Variants in FMN1 observed in about 807,000 individuals in gnomAD.
FMN1 encodes formin-1.
Under a neutral mutation model 132.4 loss-of-function variants are expected in FMN1, and 110 were observed. The observed-to-expected ratio is 0.83, with a 90% CI of 0.71 to 0.97. The LOEUF is 0.97. Ranked by LOEUF, FMN1 falls within the 50% of genes least tolerant of loss-of-function variation. FMN1 has a pLI of 0.00. For missense variants in FMN1, 1,792 were observed against 1,705.3 expected (o/e 1.05, Z -0.90); for synonymous variants, 722 against 651.7 (o/e 1.11, Z -1.64).
intron 4 of FMN1, among the ~76,000 whole-genome samples, chr15:33,127,454 TG>T (rs1963202665): frequency 6.6e-6 from 1 of 152,222 alleles, no homozygotes; most frequent in South Asian, 2.1e-4. Flanking sequence ...TACATCTAAC[TG>T]TAAATAAAAC....
Position 32,964,102 on chromosome 15 carries a change from A to G in FMN1, c.3138+5T>C, listed in dbSNP as rs754658275. On this transcript the variant is annotated splice_donor_5th_base_variant and intron_variant, in intron 9 of 20. Transcript: ENST00000616417. ...AATTACAGCTTTGCCATAATCACTC[A>G]GTACCTTTTTGACCTTGTTTTTCTT... The G allele has an allele frequency of 1.2e-6, 2 of 1,607,928 alleles. No homozygotes were observed. Among genetic ancestry groups the G allele is most frequent in the South Asian group, 2.2e-5 (2 of 90,664 alleles).
intron 4 of FMN1, among the ~76,000 whole-genome samples, chr15:33,120,605 A>G (rs1049377520): frequency 3.5e-5 from 3 of 85,804 alleles, no homozygotes; most frequent in African/African-American, 1.4e-4. Flanking sequence ...AGTGATACCA[A>G]GATACTGTTC....
At chr15:33,010,586 G>A (rs1182221842) in intron 6 of FMN1, among the ~76,000 whole-genome samples, 2 of 152,040 alleles carry the variant, frequency 1.3e-5, no homozygotes, top group African/African-American at 2.4e-5. Context: ...GCTACTAGCA[G>A]ATGTAATGGA....
intron 15 of FMN1, among the ~76,000 whole-genome samples, chr15:32,890,060 A>T (rs2059988773): frequency 6.6e-6 from 1 of 152,238 alleles, no homozygotes; most frequent in South Asian, 2.1e-4. Context: ...ACTTAGAATA[A>T]TATTCTCCAA....
At chr15:33,147,165 CAAA>C (rs869166176) in intron 4 of FMN1, among the ~76,000 whole-genome samples, 5,147 of 69,182 alleles carry the variant, frequency 0.074, 304 homozygotes, top group African/African-American at 0.22. Flanking sequence ...GACTCCGTCT[CAAA>C]AAAAAAAAAA....
chr15:33,018,500 G>A lies in FMN1; in HGVS notation c.2162-10425C>T, dbSNP rs577446353. 4.7e-4 allele frequency among the ~76,000 whole-genome samples: 72 copies of A among 152,212 alleles called. 2 individuals are homozygous for A. In the South Asian group the frequency reaches 0.014, roughly 30 times the overall value. The stretch of plus-strand genomic sequence containing the variant: ...TAGAGCTTCCGTGAGAACCCAAGAG[G>A]ACTGGGTTCAGAAACCTTCTGGACA... On this transcript the variant is annotated intron_variant, in intron 6 of 20. Transcript: ENST00000616417.
rs560110889 is a variant in FMN1 at position 32,944,356 on chromosome 15, T to C, written c.3139-18095A>G. On this transcript the variant is annotated intron_variant, in intron 9 of 20. Transcript: ENST00000616417. ...CATCCGACGTGGTGCAAAACAGCTC[T>C]TGCTGCTAATGGCCAGTATGGCCTG... 2.6e-5 allele frequency among the ~76,000 whole-genome samples: 4 copies of C among 152,322 alleles called. No homozygotes were observed. In the South Asian group the frequency reaches 8.3e-4, roughly 32 times the overall value.
At chr15:32,848,580 CTG>C (rs2058918538) in intron 17 of FMN1, among the ~76,000 whole-genome samples, 1 of 152,152 alleles carries the variant, frequency 6.6e-6, no homozygotes, top group South Asian at 2.1e-4. Flanking sequence ...AGTAATGAGA[CTG>C]TGAGTAAGAC....
intron 16 of FMN1, among the ~76,000 whole-genome samples, chr15:32,869,643 C>A (rs538932343): frequency 6.6e-6 from 1 of 152,110 alleles, no homozygotes; most frequent in South Asian, 2.1e-4. Flanking sequence ...GAGAATACAG[C>A]CAAGGAAGAG....
At chr15:32,810,693 C>CT (rs1414564997) in intron 17 of FMN1, among the ~76,000 whole-genome samples, 1 of 152,174 alleles carries the variant, frequency 6.6e-6, no homozygotes, top group African/African-American at 2.4e-5. Flanking sequence ...GGAGGCCACT[C>CT]TTTAAAGAAA....
In FMN1 at chr15:33,154,630, C is replaced by A; in HGVS notation, c.285G>T (p.Glu95Asp). The A allele has an allele frequency of 6.5e-7, 1 of 1,536,132 alleles. No homozygotes were observed. Among genetic ancestry groups the A allele is most frequent in the Non-Finnish European group, 8.7e-7 (1 of 1,146,918 alleles). Residue 95 changes from glutamate to aspartate, a missense_variant, in exon 4 of 21, where the codon GAG becomes GAT. Glu to Asp is a conservative substitution (Grantham distance 45, BLOSUM62 2). Around this residue, in one of 3 missense-constraint regions of FMN1, gnomAD observed 638 missense variants for 645.2 expected, o/e 0.99. Coordinates refer to ENST00000616417, the MANE Select transcript of FMN1 (RefSeq NM_001277313.2). ...AGCTCAGGAGATTGGTTAGCAGTCTCTCCCTCTCTGTTGTGAGTTTGTACA... is the reference window on the plus strand; with the variant it reads ...AGCTCAGGAGATTGGTTAGCAGTCTATCCCTCTCTGTTGTGAGTTTGTACA... ...TELYKLTTERERLLTNLLSSD... is the reference protein window; with the variant it reads ...TELYKLTTERDRLLTNLLSSD...
intron 6 of FMN1, among the ~76,000 whole-genome samples, chr15:33,061,077 G>A (rs965609978): frequency 2.6e-5 from 4 of 152,172 alleles, no homozygotes; most frequent in Non-Finnish European, 1.5e-5. Flanking sequence ...GATGGCTGTG[G>A]GGTGGGGTAG....
chr15:32,873,816 G>A (rs982573463), intron 16 of FMN1, among the ~76,000 whole-genome samples: 20 of 152,004 alleles, frequency 1.3e-4, no homozygotes, highest in Non-Finnish European at 2.6e-4. Flanking sequence ...TAAAGTCATG[G>A]AGGCCCCTCC....
At chr15:33,106,976 G>T (rs2039512005) in intron 4 of FMN1, among the ~76,000 whole-genome samples, 1 of 151,876 alleles carries the variant, frequency 6.6e-6, no homozygotes, top group Non-Finnish European at 1.5e-5. Flanking sequence ...CTGGCCATAA[G>T]CTCTCGCCCT....
intron 9 of FMN1, among the ~76,000 whole-genome samples, chr15:32,950,054 CAT>C (rs1226548479): frequency 0.099 from 483 of 4,902 alleles, 118 homozygotes; most frequent in African/African-American, 0.2. Context: ...TATATATACA[CAT>C]ATATATATAT....
chr15:32,950,664 A>G (rs2061631293), intron 9 of FMN1, among the ~76,000 whole-genome samples: 1 of 152,084 alleles, frequency 6.6e-6, no homozygotes, highest in African/African-American at 2.4e-5. Flanking sequence ...CACAGAGGAG[A>G]GCAACATACA....
chr15:33,023,074 A>AAG (rs1555383613), intron 6 of FMN1, among the ~76,000 whole-genome samples: 27 of 27,218 alleles, frequency 9.9e-4, no homozygotes, highest in African/African-American at 1.6e-3. Context: ...AAAAAAAAAA[A>AAG]AAAGAAAAAA....
chr15:33,069,177 C>T (rs2037887159), intron 5 of FMN1, among the ~76,000 whole-genome samples: 1 of 152,236 alleles, frequency 6.6e-6, no homozygotes, highest in Non-Finnish European at 1.5e-5. Flanking sequence ...CTCCAAACAT[C>T]AGCCCAGTGT....
At chr15:33,062,965 GATA>G (rs1353934571) in intron 6 of FMN1, 2 of 152,312 alleles carry the variant, frequency 1.3e-5, no homozygotes, top group South Asian at 2.1e-4. Flanking sequence ...CCCACAGGAT[GATA>G]ATAACAGAAG....
Sources: allele counts gnomAD v4.1 joint callset (sites outside exome capture counted in the v4.1 genomes callset), GRCh38; gene constraint gnomAD v4.1.1; regional missense constraint gnomAD v4.1.1; transcripts MANE v1.5; gene names NCBI Gene and HGNC (gene_info 2026-07-23, HGNC 2026-07-21).